Variants in REV3L observed in about 807,000 individuals in gnomAD.
REV3L encodes DNA polymerase zeta catalytic subunit.
A neutral mutation model predicts 299.4 loss-of-function variants in REV3L; 69 were observed. The ratio of observed to expected loss-of-function variants is 0.23; its 90% CI spans 0.19 to 0.28. REV3L has a LOEUF of 0.28. REV3L is among the 10% of genes least tolerant of loss of function. REV3L has a pLI of 1.00. For synonymous variants in REV3L, 1,238 were observed against 1,271.4 expected, an observed-to-expected ratio of 0.97 and a Z score of 0.56; for missense variants, 3,128 against 3,693.8, an observed-to-expected ratio of 0.85 and a Z score of 3.97.
Position 111,368,009 on chromosome 6 carries a change from G to A in REV3L, c.5779C>T (p.Leu1927Phe). Residue 1927 changes from leucine to phenylalanine, a missense_variant, in exon 14 of 32, where the codon CTC (leucine) becomes TTC (phenylalanine). Leu to Phe is a conservative substitution (Grantham distance 22). Around this residue, in one of 9 missense-constraint regions of REV3L, gnomAD observed 2,409 missense variants for 2,611.8 expected, o/e 0.92. Transcript: ENST00000368802. ...EKPREIGGRLLMVETRLANDL... is the reference protein window; with the variant it reads ...EKPREIGGRLFMVETRLANDL... ...TTTGCAAGTCGAGTTTCTACCATGA[G>A]GAGCCGTCCACCAATCTCCCTATAA... 1 of 1,607,800 alleles carries A rather than the reference G, an allele frequency of 6.2e-7. No homozygotes were observed. Among genetic ancestry groups the A allele is most frequent in the Non-Finnish European group, 8.5e-7 (1 of 1,177,660 alleles).
At chr6:111,459,930 G>C (rs1198475468) in intron 1 of REV3L, among the ~76,000 whole-genome samples, 1 of 152,026 alleles carries the variant, frequency 6.6e-6, no homozygotes, top group Non-Finnish European at 1.5e-5. Context: ...TATACCCAAA[G>C]AAAAATATAT....
chr6:111,474,150 T>G (rs1792617874), intron 1 of REV3L, among the ~76,000 whole-genome samples: 1 of 152,224 alleles, frequency 6.6e-6, no homozygotes, highest in Non-Finnish European at 1.5e-5. Context: ...AATTTTAATA[T>G]GAATTTCAAA....
At chr6:111,388,116 T>A in intron 7 of REV3L, 31 bp from the exon 8 acceptor site, 1 of 1,413,340 alleles carries the variant, frequency 7.1e-7, no homozygotes. Flanking sequence ...TTAAAAAATG[T>A]AAATAGCAAA....
rs1780133291 is a variant in REV3L, at chr6:111,374,791, A to G, written c.3564T>C (p.Thr1188=). The G allele has an allele frequency of 6.2e-7, 1 of 1,611,764 alleles. No homozygotes were observed. Among genetic ancestry groups the G allele is most frequent in the African/African-American group, 1.3e-5 (1 of 74,578 alleles). The part of the protein sequence containing the change: ...KAKLANPSIV[T]KKRNKRNQTN... Reference sequence around the variant, plus strand: ...TCTGATTTCGTTTGTTCCTTTTCTTAGTAACTATAGAGGGATTAGCAAGCT... The same window carrying G: ...TCTGATTTCGTTTGTTCCTTTTCTTGGTAACTATAGAGGGATTAGCAAGCT... Residue 1188 remains threonine (T), a synonymous_variant, in exon 13 of 32, where the codon ACT becomes ACC. Transcript: ENST00000368802.
intron 27 of REV3L, among the ~76,000 whole-genome samples, chr6:111,314,912 T>A (rs1773360645): frequency 1.3e-5 from 2 of 150,210 alleles, no homozygotes; most frequent in Non-Finnish European, 3.0e-5. Flanking sequence ...AGTGCACCGG[T>A]CAATCACAGT....
chr6:111,326,499 G>A (rs935000486), intron 25 of REV3L, among the ~76,000 whole-genome samples: 7 of 152,052 alleles, frequency 4.6e-5, no homozygotes, highest in African/African-American at 1.7e-4. Context: ...ACCCACTGTA[G>A]TGGGAATGTA....
intron 19 of REV3L, among the ~76,000 whole-genome samples, chr6:111,350,463 C>T (rs141428051): frequency 2.6e-5 from 4 of 151,518 alleles, no homozygotes; most frequent in African/African-American, 9.7e-5. Context: ...TAAAACCTAT[C>T]CCAAAAAAGA....
intron 30 of REV3L, chr6:111,308,311 T>C (rs1383060248): frequency 4.4e-6 from 2 of 451,368 alleles, no homozygotes; most frequent in Non-Finnish European, 8.9e-6. Context: ...TTGCCGATGA[T>C]GAAATGAACA....
intron 31 of REV3L, among the ~76,000 whole-genome samples, chr6:111,302,218 A>G (rs1362836856): frequency 6.6e-6 from 1 of 152,236 alleles, no homozygotes; most frequent in Non-Finnish European, 1.5e-5. Flanking sequence ...AAGACTGAGT[A>G]TGCTGTTCTA....
In REV3L at chr6:111,414,891, AT is replaced by A. The variant is rs17510555; in HGVS notation, c.329+1391del. On this transcript the variant is annotated intron_variant, in intron 2 of 31. Coordinates refer to ENST00000368802, the MANE Select transcript of REV3L (RefSeq NM_001372078.1). ...CTACCACCCTAGTTCAAGCCACACTATTTTCTTTTTTGTTTTAATTTTAATT... is the reference window on the plus strand; with the variant it reads ...CTACCACCCTAGTTCAAGCCACACTATTTCTTTTTTGTTTTAATTTTAATT... Among the ~76,000 whole-genome samples the A allele has an allele frequency of 3.3e-3, 503 of 152,040 alleles. 17 individuals are homozygous for A. In the East Asian group the frequency reaches 0.078, roughly 24 times the overall value.
intron 30 of REV3L, 137 bp downstream of exon 30, chr6:111,309,716 C>A: frequency 1.1e-6 from 1 of 924,642 alleles, no homozygotes; most frequent in Non-Finnish European, 1.5e-6. Flanking sequence ...CTCCCGCTTT[C>A]CGTATCATTT....
At chr6:111,325,669 T>C (rs1050681341) in intron 25 of REV3L, among the ~76,000 whole-genome samples, 1 of 152,242 alleles carries the variant, frequency 6.6e-6, no homozygotes, top group Admixed American at 6.5e-5. Flanking sequence ...AACTGTTGTA[T>C]ATATACGTAT....
chr6:111,302,689 GA>G (rs1771714072), intron 31 of REV3L, among the ~76,000 whole-genome samples: 1 of 152,216 alleles, frequency 6.6e-6, no homozygotes, highest in Non-Finnish European at 1.5e-5. Context: ...TGGATCACCT[GA>G]GGTCAGGAGT....
intron 16 of REV3L, chr6:111,360,592 C>T (rs1184622784): frequency 6.7e-6 from 1 of 150,286 alleles, no homozygotes; most frequent in Non-Finnish European, 1.5e-5. Flanking sequence ...CCACTCACTT[C>T]AGCTTTCCTA....
chr6:111,439,069 G>A (rs1371403261), intron 1 of REV3L, among the ~76,000 whole-genome samples: 1 of 152,142 alleles, frequency 6.6e-6, no homozygotes, highest in Non-Finnish European at 1.5e-5. Context: ...TGTGGTTTTT[G>A]CATTGTTGGA....
intron 21 of REV3L, 83 bp downstream of exon 21, chr6:111,343,842 T>TG: frequency 9.7e-7 from 1 of 1,033,548 alleles, no homozygotes; most frequent in Non-Finnish European, 1.4e-6. Flanking sequence ...AACAATACAC[T>TG]TTAAATGTGT....
intron 1 of REV3L, chr6:111,430,622 G>T: frequency 6.6e-7 from 1 of 1,524,734 alleles, no homozygotes. Flanking sequence ...CGCAGAGTGG[G>T]GAGGACAGAG....
chr6:111,480,071 G>GAAAA (rs888804118), intron 1 of REV3L, among the ~76,000 whole-genome samples: 5 of 152,108 alleles, frequency 3.3e-5, no homozygotes, highest in African/African-American at 1.2e-4. Context: ...CTTCATTTGA[G>GAAAA]AAAAAATATC....
intron 1 of REV3L, among the ~76,000 whole-genome samples, chr6:111,416,755 G>A (rs1461592036): frequency 1.3e-5 from 2 of 152,288 alleles, no homozygotes; most frequent in Admixed American, 1.3e-4. Context: ...CTAGTCTTGT[G>A]TACTTCACTG....
Sources: gnomAD v4.1 joint callset for allele counts (sites outside exome capture counted in the v4.1 genomes callset) on GRCh38, gnomAD v4.1.1 for gene constraint, gnomAD v4.1.1 regional missense constraint, MANE v1.5 for transcripts, NCBI Gene and HGNC (gene_info 2026-07-23, HGNC 2026-07-21) for gene names.